IL1RAPL1: variants seen among roughly 807,000 people sequenced by gnomAD.
IL1RAPL1 encodes the protein interleukin-1 receptor accessory protein-like 1.
A neutral mutation model predicts 48.4 loss-of-function variants in IL1RAPL1; 3 were observed. That is an observed-to-expected ratio of 0.06 (90% CI 0.03 to 0.16). The LOEUF is 0.16. IL1RAPL1 is among the 10% of genes least tolerant of loss of function. IL1RAPL1 has a pLI of 1.00. For missense variants in IL1RAPL1, 349 were observed against 530.6 expected (o/e 0.66, Z 3.36); for synonymous variants, 185 against 187.7 (o/e 0.99, Z 0.12).
At chrX:29,896,389 C>CAT (rs35232879) in intron 6 of IL1RAPL1, among the ~76,000 whole-genome samples, 14,557 of 111,638 alleles carry the variant, frequency 0.13, 877 homozygotes, top group African/African-American at 0.22. Context: ...TTTGGCATAA[C>CAT]GTGTATCATT....
intron 2 of IL1RAPL1, among the ~76,000 whole-genome samples, chrX:28,959,295 A>C (rs1924704685): frequency 8.9e-6 from 1 of 111,767 alleles, no homozygotes. Context: ...TACATATTTT[A>C]ACACTCTCAT....
intron 2 of IL1RAPL1, among the ~76,000 whole-genome samples, chrX:29,229,405 A>T (rs1222514720): frequency 2.8e-5 from 3 of 108,213 alleles, no homozygotes; most frequent in South Asian, 3.8e-4. Flanking sequence ...ATAATTTTTA[A>T]AAAAAAAAAA....
chrX:29,055,038 C>T (rs776236919), intron 2 of IL1RAPL1, among the ~76,000 whole-genome samples: 5 of 111,788 alleles, frequency 4.5e-5, no homozygotes, highest in Admixed American at 2.9e-4. Flanking sequence ...TTTATATTTA[C>T]ACATATTCAA....
intron 6 of IL1RAPL1, among the ~76,000 whole-genome samples, chrX:29,898,090 C>T (rs954207371): frequency 1.8e-5 from 2 of 111,429 alleles, no homozygotes; most frequent in African/African-American, 3.3e-5. Flanking sequence ...AAGCTTCATC[C>T]GTGGAATCTT....
chrX:29,708,046 C>A (rs1249965570), intron 6 of IL1RAPL1, among the ~76,000 whole-genome samples: 1 of 110,555 alleles, frequency 9.0e-6, no homozygotes, highest in East Asian at 2.8e-4. Flanking sequence ...TTTCTAAATT[C>A]TTCTTTTCAC....
At chrX:28,882,084 A>G (rs1368321223) in intron 2 of IL1RAPL1, among the ~76,000 whole-genome samples, 1 of 110,928 alleles carries the variant, frequency 9.0e-6, no homozygotes, top group Non-Finnish European at 1.9e-5. Context: ...GAGACACACT[A>G]TAATTACATT....
chrX:29,953,688 A>AT (rs1378458235), intron 9 of IL1RAPL1, among the ~76,000 whole-genome samples: 1 of 111,852 alleles, frequency 8.9e-6, no homozygotes, highest in Non-Finnish European at 1.9e-5. Context: ...CCATCCCAAT[A>AT]TGCAAGAACT....
At chrX:29,264,354 C>T (rs901693430) in intron 2 of IL1RAPL1, among the ~76,000 whole-genome samples, 6 of 111,005 alleles carry the variant, frequency 5.4e-5, no homozygotes, top group South Asian at 7.6e-4. Flanking sequence ...TTTTTTGTGC[C>T]ATGATTTCCC....
chrX:29,456,670 A>T (rs903478961), intron 5 of IL1RAPL1, among the ~76,000 whole-genome samples: 4 of 111,649 alleles, frequency 3.6e-5, no homozygotes, highest in Non-Finnish European at 7.5e-5. Context: ...CGGAAGACTC[A>T]ATGCTTCCAA....
At chrX:29,617,432 G>C (rs1410510178) in intron 5 of IL1RAPL1, among the ~76,000 whole-genome samples, 1 of 112,217 alleles carries the variant, frequency 8.9e-6, no homozygotes, top group African/African-American at 3.2e-5. Flanking sequence ...GCTAGATGCA[G>C]AGTCCTCTGG....
At chrX:28,684,074 C>G (rs1238339283) in intron 1 of IL1RAPL1, among the ~76,000 whole-genome samples, 1 of 112,439 alleles carries the variant, frequency 8.9e-6, no homozygotes, top group African/African-American at 3.2e-5. Flanking sequence ...AGCTTGACCA[C>G]TCGTTCTTTA....
intron 5 of IL1RAPL1, among the ~76,000 whole-genome samples, chrX:29,428,310 T>G (rs1326161514): frequency 8.9e-6 from 1 of 111,977 alleles, no homozygotes; most frequent in Non-Finnish European, 1.9e-5. Flanking sequence ...GTTTAAAGGT[T>G]TGCAGTAGGG....
intron 2 of IL1RAPL1, among the ~76,000 whole-genome samples, chrX:28,950,418 T>C (rs1458273780): frequency 2.3e-5 from 2 of 86,496 alleles, no homozygotes; most frequent in African/African-American, 4.4e-5. Context: ...GACTTGGCGA[T>C]GCGGGCTCTT....
intron 2 of IL1RAPL1, among the ~76,000 whole-genome samples, chrX:29,095,953 A>G (rs1928205115): frequency 9.0e-6 from 1 of 111,471 alleles, no homozygotes; most frequent in Non-Finnish European, 1.9e-5. Context: ...TGAAAAGTAA[A>G]TGCCTCACAT....
intron 1 of IL1RAPL1, among the ~76,000 whole-genome samples, chrX:28,683,528 G>A (rs1445628717): frequency 1.8e-5 from 2 of 111,496 alleles, no homozygotes; most frequent in Non-Finnish European, 3.8e-5. Flanking sequence ...CAGCCCTGTG[G>A]TTATAACCCC....
At chrX:28,704,905 AGT>A (rs1344482043) in intron 1 of IL1RAPL1, among the ~76,000 whole-genome samples, 5 of 108,382 alleles carry the variant, frequency 4.6e-5, no homozygotes, top group Non-Finnish European at 9.5e-5. Context: ...GGGATGGAGA[AGT>A]AGTCATAGGA....
chrX:29,689,648 A>G (rs1157258583), intron 6 of IL1RAPL1, among the ~76,000 whole-genome samples: 1 of 112,088 alleles, frequency 8.9e-6, no homozygotes, highest in Non-Finnish European at 1.9e-5. Flanking sequence ...TAATAGAAAG[A>G]CATTGCTGAA....
At chrX:29,096,923 T>G (rs1376013116) in intron 2 of IL1RAPL1, among the ~76,000 whole-genome samples, 5 of 110,077 alleles carry the variant, frequency 4.5e-5, no homozygotes, top group Non-Finnish European at 9.5e-5. Context: ...TAGACTAATA[T>G]TGGCTCTGCC....
intron 1 of IL1RAPL1, among the ~76,000 whole-genome samples, chrX:28,778,940 A>G (rs946359786): frequency 8.9e-6 from 1 of 111,992 alleles, no homozygotes; most frequent in Non-Finnish European, 1.9e-5. Flanking sequence ...GTTTGCAGTA[A>G]TCCTTTGAGA....
Sources: gnomAD v4.1 joint callset for allele counts (sites outside exome capture counted in the v4.1 genomes callset) on GRCh38, gnomAD v4.1.1 for gene constraint, MANE v1.5 for transcripts, NCBI Gene and HGNC (gene_info 2026-07-23, HGNC 2026-07-21) for gene names.